WDR7: variants seen among roughly 807,000 people sequenced by gnomAD.
The protein encoded by WDR7 is WD repeat-containing protein 7.
WDR7 carries 46 observed loss-of-function variants against 169.4 expected under a neutral mutation model. That is an observed-to-expected ratio of 0.27 (90% CI 0.21 to 0.35). The LOEUF (loss-of-function observed/expected upper bound fraction) is 0.35, where lower values mean the gene tolerates loss of function less well. WDR7 is among the 10% of genes least tolerant of loss of function. The pLI is 1.00. For missense variants in WDR7, 1,534 were observed against 1,859.3 expected, an observed-to-expected ratio of 0.83 and a Z score of 3.22; for synonymous variants, 612 against 666.8, an observed-to-expected ratio of 0.92 and a Z score of 1.27.
chr18:56,699,717 C>T (rs1015302174), intron 12 of WDR7: 5 of 558,992 alleles, frequency 8.9e-6, no homozygotes, highest in Non-Finnish European at 1.1e-5. Flanking sequence ...TCACACTTCA[C>T]GTTTCCTAAA....
chr18:57,001,729 T>C (rs992403239), intron 26 of WDR7, among the ~76,000 whole-genome samples: 3 of 152,166 alleles, frequency 2.0e-5, no homozygotes, highest in African/African-American at 7.2e-5. Flanking sequence ...ATCACCAATC[T>C]TTCTTGCACT....
At chr18:56,863,348 T>G (rs540545277) in intron 20 of WDR7, among the ~76,000 whole-genome samples, 64 of 151,868 alleles carry the variant, frequency 4.2e-4, no homozygotes, top group African/African-American at 1.5e-3. Flanking sequence ...AAATATTGAT[T>G]CTGTAGTGAG....
chr18:57,014,833 T>C (rs548665435), intron 26 of WDR7, among the ~76,000 whole-genome samples: 29 of 151,904 alleles, frequency 1.9e-4, no homozygotes, highest in African/African-American at 7.0e-4. Flanking sequence ...AAGGAAAGGT[T>C]ATAGTCACTG....
At chr18:56,866,980 C>T (rs1226816405) in intron 20 of WDR7, among the ~76,000 whole-genome samples, 1 of 151,916 alleles carries the variant, frequency 6.6e-6, no homozygotes, top group Non-Finnish European at 1.5e-5. Flanking sequence ...AAAATATGTA[C>T]ATCTATTATG....
At chr18:57,018,230 C>T (rs2048234855) in intron 26 of WDR7, among the ~76,000 whole-genome samples, 1 of 152,196 alleles carries the variant, frequency 6.6e-6, no homozygotes, top group Non-Finnish European at 1.5e-5. Flanking sequence ...GCTCAGTCCA[C>T]CTCTACACAG....
intron 19 of WDR7, among the ~76,000 whole-genome samples, chr18:56,806,619 T>A (rs1467558886): frequency 6.6e-6 from 1 of 152,182 alleles, no homozygotes; most frequent in Admixed American, 6.5e-5. Context: ...TCCAAGTCAT[T>A]CTTTACATTG....
At position 56,695,114 on chromosome 18, in the gene WDR7, C is replaced by T. The variant is rs760297834; in HGVS notation, c.1273C>T (p.Arg425Cys). The change falls in exon 11 of 28, where the codon CGT becomes TGT. Residue 425 changes from arginine to cysteine, a missense_variant. Transcript: ENST00000254442. ...AGCACATGGACGACTTGTTTGTGGT[C>T]GTGAAGATGGAAGCATAGTTATTGT... ...IPAHGRLVCG[R>C]EDGSIVIVPA... 1.3e-5 allele frequency: 21 copies of T among 1,613,926 alleles called. No homozygotes were observed. The highest frequency in any genetic ancestry group is 3.3e-5 in the Admixed American group (2 of 59,990).
chr18:56,703,769 T>A (rs929372670), intron 12 of WDR7, among the ~76,000 whole-genome samples: 7 of 152,096 alleles, frequency 4.6e-5, no homozygotes, highest in Non-Finnish European at 8.8e-5. Flanking sequence ...ACTCTGTAAT[T>A]CATTTTTATT....
chr18:56,969,534 GTTACAT>G (rs1433841511), intron 26 of WDR7, among the ~76,000 whole-genome samples: 5 of 152,166 alleles, frequency 3.3e-5, no homozygotes, highest in Non-Finnish European at 7.3e-5. Context: ...CCTGGTTCCA[GTTACAT>G]TTATCTTTAT....
chr18:56,694,496 T>G, intron 9 of WDR7, 123 bp from the exon 10 acceptor site: 1 of 867,218 alleles, frequency 1.2e-6, no homozygotes, highest in Non-Finnish European at 1.7e-6. Flanking sequence ...AATCATGCTA[T>G]AAACACTTTT....
At chr18:56,795,589 TAC>T (rs1212883364) in intron 19 of WDR7, among the ~76,000 whole-genome samples, 1 of 152,146 alleles carries the variant, frequency 6.6e-6, no homozygotes, top group African/African-American at 2.4e-5. Context: ...TCCCCCACAA[TAC>T]ACACACAACA....
At chr18:56,989,806 G>A (rs1469342860) in intron 26 of WDR7, among the ~76,000 whole-genome samples, 2 of 152,002 alleles carry the variant, frequency 1.3e-5, no homozygotes, top group African/African-American at 4.8e-5. Context: ...CATTGAAAAT[G>A]TCCAGAATAT....
At chr18:56,687,207 A>C (rs1217025241) in intron 7 of WDR7, among the ~76,000 whole-genome samples, 1 of 152,136 alleles carries the variant, frequency 6.6e-6, no homozygotes, top group African/African-American at 2.4e-5. Context: ...CATTGGTCTT[A>C]ATTTCTCCTT....
chr18:56,799,148 A>G (rs1320698239), intron 19 of WDR7, among the ~76,000 whole-genome samples: 1 of 152,156 alleles, frequency 6.6e-6, no homozygotes, highest in Non-Finnish European at 1.5e-5. Flanking sequence ...ATGGTGAAGG[A>G]CTCAGTGTCC....
chr18:56,657,197 G>T (rs1185276594), intron 1 of WDR7, among the ~76,000 whole-genome samples: 2 of 148,386 alleles, frequency 1.3e-5, no homozygotes, highest in Non-Finnish European at 3.0e-5. Flanking sequence ...TCACTCTGTT[G>T]CCCAGGCTGG....
At chr18:56,663,665 A>G (rs1238931045) in intron 1 of WDR7, among the ~76,000 whole-genome samples, 8 of 151,102 alleles carry the variant, frequency 5.3e-5, no homozygotes, top group African/African-American at 1.9e-4. Flanking sequence ...TATGCACAGC[A>G]TATATACATA....
chr18:56,985,961 G>A (rs1191412772), intron 26 of WDR7, among the ~76,000 whole-genome samples: 1 of 152,122 alleles, frequency 6.6e-6, no homozygotes, highest in Non-Finnish European at 1.5e-5. Context: ...CTAAATTTGT[G>A]TTGGACATTT....
chr18:56,736,788 G>T (rs1168111601), intron 14 of WDR7, among the ~76,000 whole-genome samples: 1 of 151,958 alleles, frequency 6.6e-6, no homozygotes, highest in Non-Finnish European at 1.5e-5. Flanking sequence ...AGCTTTTGAT[G>T]GAAAAAGAGG....
At chr18:56,795,076 T>G (rs1462743775) in intron 19 of WDR7, among the ~76,000 whole-genome samples, 1 of 152,196 alleles carries the variant, frequency 6.6e-6, no homozygotes, top group Non-Finnish European at 1.5e-5. Flanking sequence ...GAACAAAGAC[T>G]CGAAGTGATT....
Sources: allele counts gnomAD v4.1 joint callset (sites outside exome capture counted in the v4.1 genomes callset), GRCh38; gene constraint gnomAD v4.1.1; transcripts MANE v1.5; gene names NCBI Gene and HGNC (gene_info 2026-07-23, HGNC 2026-07-21).